MAFK: variants seen among roughly 807,000 people sequenced by gnomAD.
MAFK encodes the protein MAF bZIP transcription factor K, also known as transcription factor MafK.
MAFK carries 1 observed loss-of-function variant against 9.2 expected under a neutral mutation model. That is an observed-to-expected ratio of 0.11 (90% CI 0.04 to 0.52). MAFK has a LOEUF of 0.52. Ranked by LOEUF, MAFK falls within the 20% of genes least tolerant of loss-of-function variation. The pLI is 0.94. For synonymous variants in MAFK, 110 were observed against 107.4 expected, an observed-to-expected ratio of 1.02 and a Z score of -0.15; for missense variants, 207 against 236.0, an observed-to-expected ratio of 0.88 and a Z score of 0.81.
rs1562549000 is a variant in MAFK, at chr7:1,541,459, G to C, written c.*1084G>C. 1 of 153,686 alleles carries C rather than the reference G, an allele frequency of 6.5e-6. No individual in the cohort carries two copies. Among genetic ancestry groups the C allele is most frequent in the East Asian group, 1.9e-4 (1 of 5,208 alleles). The allele number at this position is 153,686 out of a possible 1,614,324, so 9.5% of individuals were successfully genotyped here. A position where few individuals can be genotyped will look rare whatever the true frequency, so the allele number is the denominator to read the frequency against. On this transcript the variant is annotated 3_prime_UTR_variant, in exon 3 of 3. Coordinates refer to ENST00000343242, the MANE Select transcript of MAFK (RefSeq NM_002360.4). ...GGAGGTGGAAGGAGGAGGACGTTGC[G>C]TGGAGTGGTGGGAGGAGGCGGGAGC...
chr7:1,535,531 C>T (rs1034323308), intron 1 of MAFK, among the ~76,000 whole-genome samples: 5 of 152,118 alleles, frequency 3.3e-5, no homozygotes, highest in African/African-American at 4.8e-5. Context: ...GGTGCCCACC[C>T]GTAGTCCCAG....
At chr7:1,535,607 A>G (rs1383923264) in intron 1 of MAFK, among the ~76,000 whole-genome samples, 2 of 152,324 alleles carry the variant, frequency 1.3e-5, no homozygotes, top group East Asian at 3.9e-4. Context: ...CTGTGATTTC[A>G]CCACTGCACT....
intron 1 of MAFK, 47 bp downstream of exon 1, chr7:1,530,945 G>T: frequency 6.9e-6 from 1 of 145,314 alleles, no homozygotes; most frequent in South Asian, 2.0e-4. Flanking sequence ...CGGGGACGGG[G>T]ACCGGGGCGC....
Position 1,540,145 on chromosome 7 carries a change from C to T in MAFK, c.241C>T (p.Arg81Trp), listed in dbSNP as rs1198456477. 1.9e-6 allele frequency: 3 copies of T among 1,570,220 alleles called. No individual in the cohort carries two copies. The highest frequency in any genetic ancestry group is 8.6e-7 in the Non-Finnish European group (1 of 1,157,938). Residue 81 changes from arginine to tryptophan, a missense_variant, in exon 3 of 3, where the codon CGG becomes TGG. Arg to Trp is a moderately radical substitution (Grantham distance 101, BLOSUM62 -3). Transcript: ENST00000343242. Reference protein sequence around the residue: ...KRVTQKEELERQRVELQQEVE... With the variant: ...KRVTQKEELEWQRVELQQEVE... ...GGTGACGCAGAAGGAGGAGCTGGAG[C>T]GGCAGCGCGTGGAGCTGCAGCAGGA...
Position 1,540,183 on chromosome 7 carries a change from G to C in MAFK, c.279G>C (p.Leu93=). The C allele has an allele frequency of 1.3e-6, 2 of 1,578,256 alleles. No homozygotes were observed. Among genetic ancestry groups the C allele is most frequent in the African/African-American group, 1.3e-5 (1 of 74,174 alleles). ...AGCTGCAGCAGGAGGTGGAGAAGCT[G>C]GCGCGTGAGAACAGCAGCATGCGGC... The part of the protein sequence containing the change: ...RVELQQEVEK[L]ARENSSMRLE... The change falls in exon 3 of 3, where the codon CTG becomes CTC. Residue 93 remains leucine, a synonymous_variant. Transcript: ENST00000343242.
intron 1 of MAFK, among the ~76,000 whole-genome samples, chr7:1,533,371 C>G (rs1193593984): frequency 3.3e-5 from 5 of 152,206 alleles, no homozygotes; most frequent in African/African-American, 1.2e-4. Context: ...CTCACCATGC[C>G]TTGGGGAGGC....
rs1464757256 is a variant in MAFK at position 1,532,655 on chromosome 7, G to A, written c.-45+1757G>A. Among the ~76,000 whole-genome samples, 3 of 152,196 alleles carry A rather than the reference G, an allele frequency of 2.0e-5. No individual in the cohort carries two copies. The highest frequency in any genetic ancestry group is 4.4e-5 in the Non-Finnish European group (3 of 68,040). ...TGCACCCGGGAGGCTGCTGTTAAGGGAGACCGTCTTCCGGGCCACTTCGCT... is the reference window on the plus strand; with the variant it reads ...TGCACCCGGGAGGCTGCTGTTAAGGAAGACCGTCTTCCGGGCCACTTCGCT... On this transcript the variant is annotated intron_variant, in intron 1 of 2. Coordinates refer to ENST00000343242, the MANE Select transcript of MAFK (RefSeq NM_002360.4). This position sits in a 1 kb window ranked among gnomAD's most constrained non-coding sequence, Gnocchi z 4.5.
At chr7:1,536,532 C>T (rs774164503) in intron 1 of MAFK, among the ~76,000 whole-genome samples, 24 of 152,220 alleles carry the variant, frequency 1.6e-4, no homozygotes, top group Admixed American at 1.3e-4. Context: ...TCTACATGTG[C>T]TCTGGCGGCC....
chr7:1,540,559 C>A lies in MAFK; in HGVS notation c.*184C>A. The A allele has an allele frequency of 1.6e-6, 1 of 637,208 alleles. No individual in the cohort carries two copies. Among genetic ancestry groups the A allele is most frequent in the Non-Finnish European group, 2.6e-6 (1 of 382,064 alleles). 39.5% of individuals were successfully genotyped at this position (637,208 alleles called of 1,614,324 possible). On this transcript the variant is annotated 3_prime_UTR_variant, in exon 3 of 3. Coordinates refer to ENST00000343242, the MANE Select transcript of MAFK (RefSeq NM_002360.4). ...AGGGTGAAGAGTGGGCTCCCGTGGG[C>A]CCAGAGCTGCACGCCGGTCCACAGA...
At chr7:1,535,130 C>A (rs1405762554) in intron 1 of MAFK, among the ~76,000 whole-genome samples, 1 of 116,800 alleles carries the variant, frequency 8.6e-6, no homozygotes, top group Non-Finnish European at 1.7e-5. Flanking sequence ...TTATGTTGCC[C>A]AGGCTGGCCT....
chr7:1,533,720 C>G (rs1173600868), intron 1 of MAFK, among the ~76,000 whole-genome samples: 1 of 151,364 alleles, frequency 6.6e-6, no homozygotes, highest in East Asian at 2.0e-4. Flanking sequence ...GGGCTGGGAT[C>G]AAGCCTGGTT....
intron 1 of MAFK, among the ~76,000 whole-genome samples, chr7:1,536,136 G>C (rs147441563): frequency 6.6e-6 from 1 of 152,222 alleles, no homozygotes; most frequent in Non-Finnish European, 1.5e-5. Context: ...CTCCCGGGAC[G>C]TGGGGCGTGA....
rs757019787 is a variant in MAFK, at chr7:1,540,055, C to T, written c.151C>T (p.Arg51Cys). 8 of 1,559,148 alleles carry T rather than the reference C, an allele frequency of 5.1e-6. No individual in the cohort carries two copies. In the South Asian group the frequency reaches 5.9e-5, roughly 11 times the overall value. Residue 51 changes from arginine to cysteine, a missense_variant, in exon 3 of 3, where the codon CGC becomes TGC. Arg to Cys is a radical substitution (Grantham distance 180, BLOSUM62 -3). Coordinates refer to ENST00000343242, the MANE Select transcript of MAFK (RefSeq NM_002360.4). ...LRGLTKEEVTRLKQRRRTLKN... is the reference protein window; with the variant it reads ...LRGLTKEEVTCLKQRRRTLKN... ...GGGTCTCACCAAGGAGGAGGTGACC[C>T]GCCTGAAGCAGCGTCGGCGCACACT...
intron 1 of MAFK, chr7:1,538,113 T>C (rs1784080989): frequency 4.2e-6 from 1 of 238,702 alleles, no homozygotes; most frequent in Non-Finnish European, 6.8e-6. Context: ...GCGTTTGGGC[T>C]TCTCGGTTTC....
Position 1,534,525 on chromosome 7 carries a change from C to T in MAFK, c.-45+3627C>T, listed in dbSNP as rs536928469. The T allele has an allele frequency of 1.3e-5, 6 of 452,004 alleles. No homozygotes were observed. Among genetic ancestry groups the T allele is most frequent in the South Asian group, 9.3e-5 (6 of 64,346 alleles). 28.0% of individuals were successfully genotyped at this position (452,004 alleles called of 1,614,324 possible). A position where few individuals can be genotyped will look rare whatever the true frequency, so the allele number is the denominator to read the frequency against. ...TGCTGTGCTGCTGGGTTTCTGAACCCGTGTCTCTCGCACAGAGCTCCCGTC... is the reference window on the plus strand; with the variant it reads ...TGCTGTGCTGCTGGGTTTCTGAACCTGTGTCTCTCGCACAGAGCTCCCGTC... On this transcript the variant is annotated intron_variant, in intron 1 of 2. Coordinates refer to ENST00000343242, the MANE Select transcript of MAFK (RefSeq NM_002360.4). This position sits in a 1 kb window ranked among gnomAD's most constrained non-coding sequence, Gnocchi z 4.3.
rs975968384 is a variant in MAFK, at chr7:1,530,882, CCTCCGCGCG to C, written c.-60_-52del. The C allele has an allele frequency of 1.4e-5, 2 of 145,818 alleles. No homozygotes were observed. The highest frequency in any genetic ancestry group is 1.4e-4 in the Admixed American group (2 of 14,698). 9.0% of individuals were successfully genotyped at this position (145,818 alleles called of 1,614,324 possible). A position where few individuals can be genotyped will look rare whatever the true frequency, so the allele number is the denominator to read the frequency against. ...GCGAGGAGCCGCCGCGCGCCCGCGC[CCTCCGCGCG>C]ACGCCAGGTGAGGGGCGGTGGGGCA... On this transcript the variant is annotated 5_prime_UTR_variant, in exon 1 of 3. Transcript: ENST00000343242.
At chr7:1,536,440 G>A (rs1199539398) in intron 1 of MAFK, among the ~76,000 whole-genome samples, 3 of 152,184 alleles carry the variant, frequency 2.0e-5, no homozygotes, top group African/African-American at 7.2e-5. Context: ...GGTAGTGCAC[G>A]GGCGTCTCTG....
Position 1,532,297 on chromosome 7 carries a change from A to G in MAFK, c.-45+1399A>G, listed in dbSNP as rs1783924024. ...GAGCCGTGGGCGGGGTCTGGAGAAC[A>G]TAGGTGGGCTGTGCAGGTGTCTGGG... On this transcript the variant is annotated intron_variant, in intron 1 of 2. Coordinates refer to ENST00000343242, the MANE Select transcript of MAFK (RefSeq NM_002360.4). This position sits in a 1 kb window ranked among gnomAD's most constrained non-coding sequence, Gnocchi z 4.5. Among the ~76,000 whole-genome samples, 1 of 152,172 alleles carries G rather than the reference A, an allele frequency of 6.6e-6. No individual in the cohort carries two copies. The highest frequency in any genetic ancestry group is 1.5e-5 in the Non-Finnish European group (1 of 68,038).
chr7:1,537,682 G>A (rs926607539), intron 1 of MAFK: 14 of 985,462 alleles, frequency 1.4e-5, no homozygotes, highest in African/African-American at 7.0e-5. Context: ...GCAGCCTGGC[G>A]CAGGACCCTG....
Sources: allele counts gnomAD v4.1 joint callset (sites outside exome capture counted in the v4.1 genomes callset), GRCh38; gene constraint gnomAD v4.1.1; non-coding constraint Gnocchi (gnomAD v3.1); transcripts MANE v1.5; gene names NCBI Gene and HGNC (gene_info 2026-07-23, HGNC 2026-07-21).